Variants in RAB3C observed in about 807,000 individuals in gnomAD.
RAB3C encodes the protein RAB3C, member RAS oncogene family, also known as ras-related protein Rab-3C.
In RAB3C, 17 loss-of-function variants were observed where a neutral mutation model predicts 26.4. That is an observed-to-expected ratio of 0.64 (90% CI 0.44 to 0.97). The LOEUF (loss-of-function observed/expected upper bound fraction) is 0.97. Among genes scored for constraint, RAB3C ranks in the 50% least tolerant of loss-of-function variants. The pLI is 0.00. For missense variants in RAB3C, 242 were observed against 281.9 expected (o/e 0.86, Z 1.01); for synonymous variants, 91 against 95.9 (o/e 0.95, Z 0.30).
intron 3 of RAB3C, among the ~76,000 whole-genome samples, chr5:58,783,082 A>T (rs1452854707): frequency 6.6e-6 from 1 of 152,056 alleles, no homozygotes; most frequent in African/African-American, 2.4e-5. Flanking sequence ...TTTGTCATTA[A>T]TATAGTACTG....
chr5:58,668,926 T>A (rs1395024148), intron 2 of RAB3C, among the ~76,000 whole-genome samples: 3 of 152,108 alleles, frequency 2.0e-5, no homozygotes, highest in Non-Finnish European at 4.4e-5. Context: ...AAGATCAAGG[T>A]GCCAGCTGAT....
chr5:58,789,349 A>C (rs1403695441), intron 3 of RAB3C, among the ~76,000 whole-genome samples: 2 of 152,176 alleles, frequency 1.3e-5, no homozygotes, highest in African/African-American at 4.8e-5. Flanking sequence ...GTAGACCCCA[A>C]ACCAGATACC....
intron 2 of RAB3C, among the ~76,000 whole-genome samples, chr5:58,669,693 A>G (rs1748073071): frequency 6.6e-6 from 1 of 152,194 alleles, no homozygotes; most frequent in Admixed American, 6.6e-5. Flanking sequence ...TTTCATCTGT[A>G]AAACAGATCT....
chr5:58,816,475 G>A (rs886974617), intron 3 of RAB3C, among the ~76,000 whole-genome samples: 1 of 152,120 alleles, frequency 6.6e-6, no homozygotes, highest in Non-Finnish European at 1.5e-5. Context: ...CCTGACAGGG[G>A]GAGTGACCTT....
In RAB3C at chr5:58,655,288, A is replaced by C. The variant is rs553216661; in HGVS notation, c.252+37418A>C. The stretch of plus-strand genomic sequence containing the variant: ...TCATCCAGTCAAGAGATGAATGAGG[A>C]GTCTTTGGCAAAAGGTTTTGCAGTG... On this transcript the variant is annotated intron_variant, in intron 2 of 4. Coordinates refer to ENST00000282878, the MANE Select transcript of RAB3C (RefSeq NM_138453.4). 4.0e-4 allele frequency among the ~76,000 whole-genome samples: 61 copies of C among 152,360 alleles called. No homozygotes were observed. In the South Asian group the frequency reaches 0.012, roughly 31 times the overall value.
chr5:58,624,269 G>A (rs1279159579), intron 2 of RAB3C, among the ~76,000 whole-genome samples: 1 of 152,102 alleles, frequency 6.6e-6, no homozygotes, highest in Non-Finnish European at 1.5e-5. Context: ...CACACACAGG[G>A]AGGATGCCCA....
intron 3 of RAB3C, among the ~76,000 whole-genome samples, chr5:58,797,587 A>T (rs1057223494): frequency 4.0e-5 from 6 of 151,844 alleles, no homozygotes; most frequent in African/African-American, 1.5e-4. Context: ...GAAGAGTCAG[A>T]TTGGTGGAGA....
chr5:58,656,329 C>T lies in RAB3C; in HGVS notation c.252+38459C>T, dbSNP rs528893225. Among the ~76,000 whole-genome samples, 4 of 152,222 alleles carry T rather than the reference C, an allele frequency of 2.6e-5. No individual in the cohort carries two copies. The South Asian group carries it at 8.3e-4, about 32-fold the overall frequency. On this transcript the variant is annotated intron_variant, in intron 2 of 4. Transcript: ENST00000282878. ...GGTGACTATAACTAATCATAATGTA[C>T]TTTGTATTTGACAGTTGCTAAGAGA...
chr5:58,812,299 G>A (rs1743108896), intron 3 of RAB3C, among the ~76,000 whole-genome samples: 1 of 152,032 alleles, frequency 6.6e-6, no homozygotes, highest in Non-Finnish European at 1.5e-5. Context: ...ACTTCCCAGA[G>A]GTCCAGTCCC....
intron 1 of RAB3C, among the ~76,000 whole-genome samples, chr5:58,589,989 G>A (rs1389760479): frequency 6.6e-6 from 1 of 152,172 alleles, no homozygotes; most frequent in Non-Finnish European, 1.5e-5. Flanking sequence ...AATGAGTTTG[G>A]AAGTGGAATC....
chr5:58,620,481 T>TTTTTA (rs1746912422), intron 2 of RAB3C, among the ~76,000 whole-genome samples: 2 of 152,200 alleles, frequency 1.3e-5, no homozygotes, highest in African/African-American at 4.8e-5. Context: ...AAATTAACAC[T>TTTTTA]CGTTGGATAA....
At chr5:58,840,465 A>G (rs1284862381) in intron 4 of RAB3C, among the ~76,000 whole-genome samples, 1 of 152,156 alleles carries the variant, frequency 6.6e-6, no homozygotes, top group Non-Finnish European at 1.5e-5. Context: ...GGGATTTCAC[A>G]CATTTTCTTA....
intron 2 of RAB3C, among the ~76,000 whole-genome samples, chr5:58,681,456 A>G (rs772996078): frequency 1.1e-4 from 17 of 152,254 alleles, no homozygotes; most frequent in South Asian, 2.1e-4. Flanking sequence ...TTTTGTTCCC[A>G]TGAGAGAAAT....
chr5:58,833,973 A>T (rs770168184), intron 4 of RAB3C, among the ~76,000 whole-genome samples: 2 of 152,308 alleles, frequency 1.3e-5, no homozygotes, highest in Admixed American at 6.5e-5. Context: ...TGAAATCGAA[A>T]TAGATTTCTA....
At chr5:58,617,547 T>C (rs756028833) in intron 1 of RAB3C, 96 bp from the exon 2 acceptor site, 12 of 997,314 alleles carry the variant, frequency 1.2e-5, no homozygotes, top group Non-Finnish European at 1.6e-5. Context: ...CATCTGTTTC[T>C]GGCAAGGCCA....
intron 3 of RAB3C, among the ~76,000 whole-genome samples, 174 bp downstream of exon 3, chr5:58,726,294 AG>A (rs956198626): frequency 2.3e-4 from 35 of 151,968 alleles, no homozygotes; most frequent in African/African-American, 8.5e-4. Context: ...AGCATTATTC[AG>A]GGATTGATAA....
chr5:58,833,253 A>C (rs1260852038), intron 4 of RAB3C, among the ~76,000 whole-genome samples: 1 of 151,158 alleles, frequency 6.6e-6, no homozygotes, highest in Non-Finnish European at 1.5e-5. Context: ...GGCCTAAAGC[A>C]GGGGTTCCCC....
In RAB3C at chr5:58,731,294, T is replaced by A. The variant is rs553633129; in HGVS notation, c.371+5174T>A. ...ATTTAAGGAGTTAAATTATCCTCTT[T>A]GGCCAAATTCCCCAGTTCTGTAAAA... is the stretch of plus-strand genomic sequence containing the variant. On this transcript the variant is annotated intron_variant, in intron 3 of 4. Coordinates refer to ENST00000282878, the MANE Select transcript of RAB3C (RefSeq NM_138453.4). 7.5e-4 allele frequency among the ~76,000 whole-genome samples: 114 copies of A among 152,292 alleles called. 3 individuals carry two copies. The South Asian group carries it at 0.023, about 30-fold the overall frequency.
chr5:58,796,992 CACACAG>C (rs1210431094), intron 3 of RAB3C, among the ~76,000 whole-genome samples: 1 of 151,562 alleles, frequency 6.6e-6, no homozygotes, highest in Non-Finnish European at 1.5e-5. Flanking sequence ...ACTACACACA[CACACAG>C]ACACACACAC....
Sources: allele counts gnomAD v4.1 joint callset (sites outside exome capture counted in the v4.1 genomes callset), GRCh38; gene constraint gnomAD v4.1.1; transcripts MANE v1.5; gene names NCBI Gene and HGNC (gene_info 2026-07-23, HGNC 2026-07-21).